The following RO60 variants were observed in gnomAD, a reference collection of about 807,000 sequenced individuals.
The protein encoded by RO60 is Ro60, Y RNA binding protein, also known as RNA-binding protein RO60.
Under a neutral mutation model 55.3 loss-of-function variants are expected in RO60, and 20 were observed. That is an observed-to-expected ratio of 0.36 (90% confidence interval 0.25 to 0.53). The LOEUF (loss-of-function observed/expected upper bound fraction) is 0.53, where lower values mean the gene tolerates loss of function less well. Among genes scored for constraint, RO60 ranks in the 20% least tolerant of loss-of-function variants. The pLI, the probability that RO60 is intolerant of heterozygous loss-of-function variation, is 0.92. For missense variants in RO60, 558 were observed against 646.6 expected (o/e 0.86, Z 1.49); for synonymous variants, 213 against 213.6 (o/e 1.00, Z 0.02).
chr1:193,059,856 C>T lies in RO60; in HGVS notation c.-22+80C>T, dbSNP rs1191386889. 8 of 1,363,410 alleles carry T rather than the reference C, an allele frequency of 5.9e-6. No homozygotes were observed. Among genetic ancestry groups the T allele is most frequent in the Admixed American group, 1.9e-5 (1 of 52,162 alleles). 84.5% of individuals were successfully genotyped at this position (1,363,410 alleles called of 1,614,324 possible). A position where few individuals can be genotyped will look rare whatever the true frequency, so the allele number is the denominator to read the frequency against. On this transcript the variant is annotated intron_variant, in intron 1 of 8. Coordinates refer to ENST00000400968, the MANE Select transcript of RO60 (RefSeq NM_001173524.2). The surrounding 1 kb of genome is among the most constrained non-coding windows in gnomAD (Gnocchi z 4.9). ...GCAAATTCTGACCAGTCCTCCATGT[C>T]TCTCACCCGCATCCCAGGGGTTGAG...
intron 2 of RO60, among the ~76,000 whole-genome samples, chr1:193,074,587 T>C (rs1673765087): frequency 6.6e-6 from 1 of 152,220 alleles, no homozygotes; most frequent in South Asian, 2.1e-4. Flanking sequence ...TGGGGTTGTT[T>C]TTTTCTTGTA....
chr1:193,088,020 CT>C lies in RO60; in HGVS notation c.*3299del, dbSNP rs571625563. ...ACTCTGAGGAAATGCTGTTAACAAA[CT>C]TTTTTTTTTGAGACAGGCTATCCCT... On this transcript the variant is annotated 3_prime_UTR_variant, in exon 9 of 9. Transcript: ENST00000400968. 46 of 148,882 alleles carry C rather than the reference CT, an allele frequency of 3.1e-4. 1 individual carries two copies. The highest frequency in any genetic ancestry group is 9.8e-4 in the East Asian group (5 of 5,084). 9.2% of individuals were successfully genotyped at this position (148,882 alleles called of 1,614,324 possible).
rs764543520 is a variant in RO60 at position 193,069,084 on chromosome 1, A to G, written c.30A>G (p.Pro10=). The change falls in exon 2 of 9, where the codon CCA becomes CCG. Residue 10 remains proline, a synonymous_variant. Transcript: ENST00000400968. Reference sequence around the variant, plus strand: ...AGGAATCTGTAAACCAAATGCAGCCACTGAATGAGAAGCAGATAGCCAATT... The same window carrying G: ...AGGAATCTGTAAACCAAATGCAGCCGCTGAATGAGAAGCAGATAGCCAATT... The part of the protein sequence containing the change: MEESVNQMQ[P]LNEKQIANSQ... 9.9e-6 allele frequency: 16 copies of G among 1,612,654 alleles called. No homozygotes were observed. The highest frequency in any genetic ancestry group is 3.3e-4 in the Middle Eastern group (2 of 6,084).
chr1:193,073,080 T>C (rs2103044357), intron 2 of RO60, among the ~76,000 whole-genome samples: 1 of 152,350 alleles, frequency 6.6e-6, no homozygotes, highest in Middle Eastern at 3.4e-3. Context: ...ATTCAAGTCA[T>C]CAGGTATGGT....
chr1:193,074,109 G>A (rs534888898), intron 2 of RO60, among the ~76,000 whole-genome samples: 30 of 152,202 alleles, frequency 2.0e-4, no homozygotes, highest in Middle Eastern at 3.4e-3. Flanking sequence ...GTGTATATGT[G>A]CCACATTTTC....
intron 3 of RO60, 107 bp from the exon 4 acceptor site, chr1:193,076,393 CA>C: frequency 8.3e-7 from 1 of 1,199,652 alleles, no homozygotes; most frequent in Non-Finnish European, 1.1e-6. Context: ...CTTTGAACCC[CA>C]AATGAAAGCC....
Position 193,069,285 on chromosome 1 carries a change from A to G in RO60, c.231A>G (p.Ile77Met), listed in dbSNP as rs1002163864. The G allele has an allele frequency of 1.9e-6, 3 of 1,614,132 alleles. No individual in the cohort carries two copies. The highest frequency in any genetic ancestry group is 2.7e-5 in the African/African-American group (2 of 74,940). ...DGRGCEVIQE[I>M]KSFSQEGRTT... is the part of the protein sequence containing the mutation. ...GAGGATGTGAAGTGATACAAGAAAT[A>G]AAGTCATTTAGTCAAGAAGGCAGAA... is the stretch of plus-strand genomic sequence containing the variant. Residue 77 changes from isoleucine to methionine, a missense_variant, in exon 2 of 9, where the codon ATA (isoleucine) becomes ATG (methionine). Coordinates refer to ENST00000400968, the MANE Select transcript of RO60 (RefSeq NM_001173524.2).
At chr1:193,068,802 C>G (rs1310838859) in intron 1 of RO60, among the ~76,000 whole-genome samples, 1 of 152,176 alleles carries the variant, frequency 6.6e-6, no homozygotes, top group Non-Finnish European at 1.5e-5. Context: ...GAAGATATTA[C>G]TGGTAGTCAT....
intron 1 of RO60, among the ~76,000 whole-genome samples, chr1:193,060,490 C>T (rs1156418849): frequency 6.6e-6 from 1 of 151,872 alleles, no homozygotes; most frequent in African/African-American, 2.4e-5. Context: ...CTACATATTC[C>T]AAGAAAGACC....
Position 193,081,397 on chromosome 1 carries a change from G to A in RO60, c.1120G>A (p.Ala374Thr). The A allele has an allele frequency of 6.2e-7, 1 of 1,608,074 alleles. No homozygotes were observed. The highest frequency in any genetic ancestry group is 8.5e-7 in the Non-Finnish European group (1 of 1,176,214). ...ACCAACTGGAAAACGTTTCTTACTA[G>A]CTGTTGATGTCAGTGCTTCTATGAA... Reference protein sequence around the residue: ...VEPTGKRFLLAVDVSASMNQR... With the variant: ...VEPTGKRFLLTVDVSASMNQR... Residue 374 changes from alanine to threonine, a missense_variant, in exon 6 of 9, where the codon GCT becomes ACT. By Grantham distance (58) the Ala-to-Thr change is moderately conservative. Coordinates refer to ENST00000400968, the MANE Select transcript of RO60 (RefSeq NM_001173524.2).
chr1:193,063,963 G>A (rs192877499), intron 1 of RO60, among the ~76,000 whole-genome samples: 1 of 152,058 alleles, frequency 6.6e-6, no homozygotes, highest in East Asian at 1.9e-4. Flanking sequence ...TCTGGGGCAA[G>A]GGAAGGATGC....
In RO60 at chr1:193,090,406, A is replaced by C. The variant is rs987447375; in HGVS notation, c.*5675A>C. On this transcript the variant is annotated 3_prime_UTR_variant, in exon 9 of 9. Transcript: ENST00000400968. Reference sequence around the variant, plus strand: ...AATATACAATTAATGAATAGTACTCAAAGTGTTTTTGTTGCACTGTTACTC... The same window carrying C: ...AATATACAATTAATGAATAGTACTCCAAGTGTTTTTGTTGCACTGTTACTC... 2.6e-5 allele frequency: 4 copies of C among 151,762 alleles called. No homozygotes were observed. Among genetic ancestry groups the C allele is most frequent in the Non-Finnish European group, 4.4e-5 (3 of 67,938 alleles). The allele number at this position is 151,762 out of a possible 1,614,324, so 9.4% of individuals were successfully genotyped here. A position where few individuals can be genotyped will look rare whatever the true frequency, so the allele number is the denominator to read the frequency against.
At chr1:193,072,568 T>C (rs556779899) in intron 2 of RO60, among the ~76,000 whole-genome samples, 1 of 152,278 alleles carries the variant, frequency 6.6e-6, no homozygotes, top group African/African-American at 2.4e-5. Context: ...CTAAAATATT[T>C]ATCTGTGGTT....
At chr1:193,072,471 T>C (rs1673585940) in intron 2 of RO60, among the ~76,000 whole-genome samples, 1 of 151,792 alleles carries the variant, frequency 6.6e-6, no homozygotes, top group Non-Finnish European at 1.5e-5. Context: ...TCTGGCACAC[T>C]AAAGTTTTGA....
chr1:193,082,026 T>C (rs1255215161), intron 6 of RO60, among the ~76,000 whole-genome samples, 160 bp from the exon 7 acceptor site: 1 of 152,214 alleles, frequency 6.6e-6, no homozygotes, highest in African/African-American at 2.4e-5. Context: ...GTGAAAGTAC[T>C]TTGAAAGCTG....
chr1:193,078,175 C>T (rs1281012046), intron 5 of RO60, among the ~76,000 whole-genome samples: 1 of 152,248 alleles, frequency 6.6e-6, no homozygotes, highest in South Asian at 2.1e-4. Context: ...CTTACTGATG[C>T]AGAAAAAGCA....
chr1:193,075,958 A>T lies in RO60; in HGVS notation c.719A>T (p.Asp240Val). The stretch of plus-strand genomic sequence containing the variant: ...GTAGAGAAAGTGAAGCGCACAAGAG[A>T]TGAGCTAGAAGTCATTCATCTAATA... ...EAVEKVKRTR[D>V]ELEVIHLIEE... is the part of the protein sequence containing the mutation. The change falls in exon 3 of 9, where the codon GAT (aspartate) becomes GTT (valine). Residue 240 changes from aspartate (D) to valine (V), a missense_variant. By Grantham distance (152) the Asp-to-Val change is radical. Coordinates refer to ENST00000400968, the MANE Select transcript of RO60 (RefSeq NM_001173524.2). 6.2e-7 allele frequency: 1 copy of T among 1,613,420 alleles called. No individual in the cohort carries two copies. Among genetic ancestry groups the T allele is most frequent in the Non-Finnish European group, 8.5e-7 (1 of 1,179,618 alleles).
chr1:193,077,157 T>G, intron 5 of RO60, 107 bp downstream of exon 5: 2 of 1,153,574 alleles, frequency 1.7e-6, no homozygotes, highest in East Asian at 5.2e-5. Flanking sequence ...TTTAATTAGG[T>G]ATTCATTTGT....
chr1:193,075,171 C>T (rs1673819930), intron 2 of RO60, among the ~76,000 whole-genome samples: 1 of 152,134 alleles, frequency 6.6e-6, no homozygotes, highest in African/African-American at 2.4e-5. Context: ...CCTAGAAAGA[C>T]CACCATTTAT....
Sources: allele counts gnomAD v4.1 joint callset (sites outside exome capture counted in the v4.1 genomes callset), GRCh38; gene constraint gnomAD v4.1.1; non-coding constraint Gnocchi (gnomAD v3.1); transcripts MANE v1.5; gene names NCBI Gene and HGNC (gene_info 2026-07-23, HGNC 2026-07-21).